Variants in THSD4 observed in about 807,000 individuals in gnomAD.
THSD4 encodes thrombospondin type 1 domain containing 4.
A neutral mutation model predicts 119.0 loss-of-function variants in THSD4; 69 were observed. The ratio of observed to expected loss-of-function variants is 0.58; its 90% CI spans 0.48 to 0.71. The LOEUF (loss-of-function observed/expected upper bound fraction) is 0.71, where lower values mean the gene tolerates loss of function less well. Ranked by LOEUF, THSD4 falls within the 30% of genes least tolerant of loss-of-function variation. THSD4 has a pLI of 0.00. For missense variants in THSD4, 1,393 were observed against 1,391.1 expected (o/e 1.00, Z -0.02); for synonymous variants, 524 against 540.4 (o/e 0.97, Z 0.42).
At position 71,115,678 on chromosome 15, in the gene THSD4, C is replaced by T. The variant is rs2040353307; in HGVS notation, c.-100C>T. The T allele has an allele frequency of 6.8e-6, 1 of 146,966 alleles. No homozygotes were observed. The allele number at this position is 146,966 out of a possible 1,614,324, so 9.1% of individuals were successfully genotyped here. On this transcript the variant is annotated 5_prime_UTR_variant, in exon 1 of 18. Coordinates refer to ENST00000261862, the MANE Select transcript of THSD4 (RefSeq NM_024817.3). This position sits in a 1 kb window ranked among gnomAD's most constrained non-coding sequence, Gnocchi z 4.4. ...GGCGAGGCGAGGCGGCCGCCGGTCG[C>T]TCCGGGACGCGGACCGCCAGGTGAG...
intron 6 of THSD4, among the ~76,000 whole-genome samples, chr15:71,265,013 C>T (rs2044447874): frequency 6.6e-6 from 1 of 152,000 alleles, no homozygotes. Flanking sequence ...GGGCAGGGCC[C>T]TGATCTGATA....
At chr15:71,718,872 C>T (rs1038915387) in intron 8 of THSD4, among the ~76,000 whole-genome samples, 1 of 152,210 alleles carries the variant, frequency 6.6e-6, no homozygotes, top group African/African-American at 2.4e-5. Context: ...TTTTACCAGC[C>T]TCTCTGGTCA....
intron 7 of THSD4, among the ~76,000 whole-genome samples, chr15:71,581,331 G>C (rs570934637): frequency 6.6e-6 from 1 of 152,080 alleles, no homozygotes; most frequent in South Asian, 2.1e-4. Flanking sequence ...ATCTTTTAAT[G>C]TACCTGTTGG....
chr15:71,200,977 T>C (rs2043799057), intron 3 of THSD4, among the ~76,000 whole-genome samples: 1 of 152,140 alleles, frequency 6.6e-6, no homozygotes, highest in Non-Finnish European at 1.5e-5. Flanking sequence ...TCACTTATAA[T>C]CATTCCCATT....
intron 6 of THSD4, among the ~76,000 whole-genome samples, chr15:71,335,391 C>CA (rs914552646): frequency 2.0e-5 from 3 of 152,118 alleles, no homozygotes; most frequent in African/African-American, 7.2e-5. Flanking sequence ...CCCCTCCCAA[C>CA]AAAAATGCAC....
intron 1 of THSD4, among the ~76,000 whole-genome samples, chr15:71,132,319 G>A (rs1266698168): frequency 6.6e-6 from 1 of 152,194 alleles, no homozygotes; most frequent in African/African-American, 2.4e-5. Flanking sequence ...ATTATTAGAT[G>A]TGTTATCAGG....
At chr15:71,702,751 TG>T (rs1306450951) in intron 8 of THSD4, among the ~76,000 whole-genome samples, 1 of 152,238 alleles carries the variant, frequency 6.6e-6, no homozygotes, top group African/African-American at 2.4e-5. Context: ...TTCACAAGGC[TG>T]GCTCTTTCCA....
At chr15:71,214,329 T>C (rs2043912118) in intron 3 of THSD4, among the ~76,000 whole-genome samples, 1 of 152,232 alleles carries the variant, frequency 6.6e-6, no homozygotes. Context: ...GGAAGCTTTG[T>C]TCTTTTGCTC....
At chr15:71,638,542 CAG>C (rs1567075946) in intron 7 of THSD4, among the ~76,000 whole-genome samples, 1 of 152,158 alleles carries the variant, frequency 6.6e-6, no homozygotes, top group East Asian at 1.9e-4. Flanking sequence ...TTCTATATAA[CAG>C]AGAAAATCTT....
chr15:71,755,843 A>G (rs943823088), intron 14 of THSD4, among the ~76,000 whole-genome samples: 1 of 152,156 alleles, frequency 6.6e-6, no homozygotes, highest in Non-Finnish European at 1.5e-5. Flanking sequence ...GATAGTCTTC[A>G]CAGAGGACAG....
chr15:71,162,739 T>C (rs190626661), intron 3 of THSD4, among the ~76,000 whole-genome samples: 1 of 152,210 alleles, frequency 6.6e-6, no homozygotes, highest in Non-Finnish European at 1.5e-5. Context: ...CCATTTCTTC[T>C]CCTTCTGAAG....
chr15:71,170,028 G>C (rs1229846446), intron 3 of THSD4, among the ~76,000 whole-genome samples: 1 of 152,172 alleles, frequency 6.6e-6, no homozygotes, highest in Non-Finnish European at 1.5e-5. Flanking sequence ...ACAAACGTTA[G>C]CCAGGCATGA....
At chr15:71,652,031 G>T (rs1040693046) in intron 7 of THSD4, among the ~76,000 whole-genome samples, 4 of 152,178 alleles carry the variant, frequency 2.6e-5, no homozygotes, top group African/African-American at 7.2e-5. Flanking sequence ...GGCCATCTGC[G>T]CTCAGGAGGC....
At chr15:71,240,469 C>G (rs2044142514) in intron 4 of THSD4, among the ~76,000 whole-genome samples, 1 of 152,094 alleles carries the variant, frequency 6.6e-6, no homozygotes, top group African/African-American at 2.4e-5. Context: ...TGGCATCTCC[C>G]AGGAGCTTGT....
At chr15:71,131,100 T>C (rs1430712998) in intron 1 of THSD4, among the ~76,000 whole-genome samples, 11 of 152,218 alleles carry the variant, frequency 7.2e-5, no homozygotes, top group Admixed American at 5.9e-4. Context: ...GTAGCTGTGA[T>C]ACCTTGTACC....
At chr15:71,596,500 C>T (rs1284564081) in intron 7 of THSD4, among the ~76,000 whole-genome samples, 1 of 152,158 alleles carries the variant, frequency 6.6e-6, no homozygotes, top group African/African-American at 2.4e-5. Flanking sequence ...ATTTTATAAA[C>T]TGAGTTGCCA....
intron 7 of THSD4, among the ~76,000 whole-genome samples, chr15:71,535,770 TTTAA>T (rs2048681853): frequency 6.6e-6 from 1 of 152,236 alleles, no homozygotes; most frequent in Admixed American, 6.5e-5. Flanking sequence ...TTTGCCCATT[TTTAA>T]TTGAGTTTTC....
chr15:71,652,544 A>G (rs2051113274), intron 7 of THSD4, among the ~76,000 whole-genome samples: 1 of 152,194 alleles, frequency 6.6e-6, no homozygotes, highest in African/African-American at 2.4e-5. Context: ...AGAGTTTGGG[A>G]TATCCCCACC....
intron 3 of THSD4, chr15:71,184,124 C>T (rs1276723473): frequency 6.6e-6 from 1 of 151,758 alleles, no homozygotes; most frequent in Non-Finnish European, 1.5e-5. Flanking sequence ...TTTGGAGGCA[C>T]AGGGTCATTC....
Sources: allele counts gnomAD v4.1 joint callset (sites outside exome capture counted in the v4.1 genomes callset), GRCh38; gene constraint gnomAD v4.1.1; non-coding constraint Gnocchi (gnomAD v3.1); transcripts MANE v1.5; gene names NCBI Gene and HGNC (gene_info 2026-07-23, HGNC 2026-07-21).